The following ACOXL variants were observed in gnomAD, a reference collection of about 807,000 sequenced individuals.
ACOXL encodes acyl-coenzyme A oxidase-like protein.
In ACOXL, 70 loss-of-function variants were observed where a neutral mutation model predicts 71.9. That is an observed-to-expected ratio of 0.97 (90% CI 0.80 to 1.19). The LOEUF (loss-of-function observed/expected upper bound fraction) is 1.19, where lower values mean the gene tolerates loss of function less well. Among genes scored for constraint, ACOXL ranks in the 50% most tolerant of loss-of-function variants. The pLI is 0.00. For missense variants in ACOXL, 703 were observed against 736.3 expected (o/e 0.95, Z 0.52); for synonymous variants, 253 against 281.6 (o/e 0.90, Z 1.02).
chr2:110,911,803 A>G (rs889322845), intron 11 of ACOXL, among the ~76,000 whole-genome samples: 2 of 152,120 alleles, frequency 1.3e-5, no homozygotes, highest in African/African-American at 4.8e-5. Flanking sequence ...GATTAGGAAC[A>G]AAACAAGGAT....
At chr2:110,789,654 G>A (rs941511512) in intron 3 of ACOXL, among the ~76,000 whole-genome samples, 1 of 152,100 alleles carries the variant, frequency 6.6e-6, no homozygotes, top group African/African-American at 2.4e-5. Context: ...ATCTAACTTT[G>A]ATCATTGCCC....
chr2:110,759,327 C>T (rs1223604205), intron 1 of ACOXL, among the ~76,000 whole-genome samples: 1 of 152,132 alleles, frequency 6.6e-6, no homozygotes, highest in Non-Finnish European at 1.5e-5. Flanking sequence ...CTTTGTAGGT[C>T]TCTAAGAATT....
chr2:110,925,172 C>T (rs2060224367), intron 11 of ACOXL, among the ~76,000 whole-genome samples: 1 of 152,322 alleles, frequency 6.6e-6, no homozygotes, highest in East Asian at 1.9e-4. Flanking sequence ...TTCTAGAGCA[C>T]AGGCAGAGTA....
At chr2:110,845,757 C>T (rs1691758844) in intron 10 of ACOXL, among the ~76,000 whole-genome samples, 1 of 152,222 alleles carries the variant, frequency 6.6e-6, no homozygotes, top group Non-Finnish European at 1.5e-5. Flanking sequence ...GTAGAATGTA[C>T]CAGAATTTCA....
chr2:110,985,102 A>T (rs1189677131), intron 12 of ACOXL, among the ~76,000 whole-genome samples: 1 of 152,254 alleles, frequency 6.6e-6, no homozygotes, highest in Non-Finnish European at 1.5e-5. Context: ...CATAAATTTT[A>T]TAGATTAGCA....
chr2:110,838,908 T>G (rs1559328272), intron 9 of ACOXL, among the ~76,000 whole-genome samples: 1 of 152,260 alleles, frequency 6.6e-6, no homozygotes, highest in Non-Finnish European at 1.5e-5. Flanking sequence ...CCAGGAGCCC[T>G]GGCTGCTGTG....
At chr2:110,788,605 A>G (rs1573519506) in intron 3 of ACOXL, among the ~76,000 whole-genome samples, 2 of 152,322 alleles carry the variant, frequency 1.3e-5, no homozygotes, top group South Asian at 4.1e-4. Flanking sequence ...ACTGAATTGT[A>G]TGCTTAAAAG....
intron 11 of ACOXL, among the ~76,000 whole-genome samples, chr2:110,930,122 C>T (rs1436118917): frequency 6.6e-6 from 1 of 152,226 alleles, no homozygotes; most frequent in Non-Finnish European, 1.5e-5. Context: ...GGAAAAGCTG[C>T]ACTCACTGCC....
At chr2:110,791,176 C>A (rs1684603120) in intron 3 of ACOXL, among the ~76,000 whole-genome samples, 2 of 152,230 alleles carry the variant, frequency 1.3e-5, no homozygotes, top group Admixed American at 1.3e-4. Context: ...GGGAAATGAA[C>A]CCCACACTTT....
At position 110,863,566 on chromosome 2, in the gene ACOXL, C is replaced by T. The variant is rs558754026; in HGVS notation, c.788+22161C>T. Among the ~76,000 whole-genome samples, 323 of 152,098 alleles carry T rather than the reference C, an allele frequency of 2.1e-3. 2 individuals are homozygous for T. Among genetic ancestry groups the T allele is most frequent in the Non-Finnish European group, 3.7e-3 (252 of 68,008 alleles). ...TTAAAAATAAGGAAGAAACAGAAGCCCTGAAGGTTATGTGATTTCCCTGAG... is the reference window on the plus strand; with the variant it reads ...TTAAAAATAAGGAAGAAACAGAAGCTCTGAAGGTTATGTGATTTCCCTGAG... On this transcript the variant is annotated intron_variant, in intron 10 of 17. Coordinates refer to ENST00000439055, the MANE Select transcript of ACOXL (RefSeq NM_001142807.4).
At position 110,924,334 on chromosome 2, in the gene ACOXL, A is replaced by G. The variant is rs116373938; in HGVS notation, c.906-9155A>G. Among the ~76,000 whole-genome samples the G allele has an allele frequency of 7.6e-3, 1,164 of 152,328 alleles. 17 individuals are homozygous for G. Among genetic ancestry groups the G allele is most frequent in the African/African-American group, 0.026 (1,077 of 41,570 alleles). On this transcript the variant is annotated intron_variant, in intron 11 of 17. Coordinates refer to ENST00000439055, the MANE Select transcript of ACOXL (RefSeq NM_001142807.4). ...GATAACAACGAAGTTTGCCGCAACA[A>G]TTGACTCTTCCTTTCATGAAACATT...
intron 2 of ACOXL, among the ~76,000 whole-genome samples, chr2:110,769,564 A>T (rs112784166): frequency 0.026 from 3,964 of 152,010 alleles, 74 homozygotes; most frequent in East Asian, 0.055. Flanking sequence ...AAGCAGGTGG[A>T]TCACTTGAGG....
chr2:110,898,375 TA>T (rs1297035367), intron 10 of ACOXL, among the ~76,000 whole-genome samples: 1 of 152,078 alleles, frequency 6.6e-6, no homozygotes, highest in African/African-American at 2.4e-5. Context: ...TTTAGCAATA[TA>T]AAAAAACTAT....
intron 12 of ACOXL, among the ~76,000 whole-genome samples, chr2:110,938,215 T>G (rs2060736593): frequency 6.6e-6 from 1 of 152,014 alleles, no homozygotes; most frequent in Non-Finnish European, 1.5e-5. Context: ...GAACTCAGGA[T>G]GAGGGTGTGG....
intron 16 of ACOXL, among the ~76,000 whole-genome samples, chr2:111,056,516 T>C (rs1898846): frequency 0.88 from 134,083 of 152,000 alleles, 59,322 homozygotes; most frequent in African/African-American, 0.95. Flanking sequence ...AGGCCAGGCA[T>C]GGTGGCTCAC....
At chr2:110,991,404 A>G (rs994641393) in intron 13 of ACOXL, among the ~76,000 whole-genome samples, 4 of 151,876 alleles carry the variant, frequency 2.6e-5, no homozygotes, top group Non-Finnish European at 4.4e-5. Flanking sequence ...TTTCTTTTCT[A>G]TTTCATTGAT....
intron 10 of ACOXL, among the ~76,000 whole-genome samples, chr2:110,875,261 A>G (rs1349323484): frequency 1.3e-5 from 2 of 151,868 alleles, no homozygotes; most frequent in Admixed American, 1.3e-4. Flanking sequence ...ATTTTTCTTG[A>G]CTCTTGAAGA....
chr2:111,019,897 A>G (rs1000011218), intron 14 of ACOXL, among the ~76,000 whole-genome samples: 2 of 151,824 alleles, frequency 1.3e-5, no homozygotes, highest in Non-Finnish European at 2.9e-5. Context: ...GTCTCCCGCT[A>G]TCACCCAGGC....
At chr2:110,735,032 A>G (rs1374249051) in intron 1 of ACOXL, among the ~76,000 whole-genome samples, 3 of 152,226 alleles carry the variant, frequency 2.0e-5, no homozygotes, top group African/African-American at 7.2e-5. Context: ...GCAAAGGGAA[A>G]AGCAAAAATC....
Sources: allele counts gnomAD v4.1 joint callset (sites outside exome capture counted in the v4.1 genomes callset), GRCh38; gene constraint gnomAD v4.1.1; transcripts MANE v1.5; gene names NCBI Gene and HGNC (gene_info 2026-07-23, HGNC 2026-07-21).